The following LRRTM3 variants were observed in gnomAD, a reference collection of about 807,000 sequenced individuals.
The protein encoded by LRRTM3 is leucine rich repeat transmembrane neuronal 3.
Under a neutral mutation model 44.7 loss-of-function variants are expected in LRRTM3, and 24 were observed. That is an observed-to-expected ratio of 0.54 (90% CI 0.39 to 0.76). LRRTM3 has a LOEUF of 0.76. Among genes scored for constraint, LRRTM3 ranks in the 30% least tolerant of loss-of-function variants. The pLI, the probability that LRRTM3 is intolerant of heterozygous loss-of-function variation, is 0.00. For missense variants in LRRTM3, 587 were observed against 702.2 expected (o/e 0.84, Z 1.85); for synonymous variants, 277 against 278.7 (o/e 0.99, Z 0.06).
At chr10:67,003,821 C>A (rs1338420315) in intron 2 of LRRTM3, among the ~76,000 whole-genome samples, 1 of 152,102 alleles carries the variant, frequency 6.6e-6, no homozygotes, top group Non-Finnish European at 1.5e-5. Context: ...CATGTGTTGT[C>A]TCTAGCAGAG....
intron 2 of LRRTM3, among the ~76,000 whole-genome samples, chr10:67,025,612 G>A (rs1383482072): frequency 1.3e-5 from 2 of 152,050 alleles, no homozygotes; most frequent in African/African-American, 4.8e-5. Context: ...AACCCCTGGA[G>A]GAAGAATATT....
At chr10:66,933,143 T>C (rs1270194438) in intron 2 of LRRTM3, among the ~76,000 whole-genome samples, 1 of 152,240 alleles carries the variant, frequency 6.6e-6, no homozygotes, top group African/African-American at 2.4e-5. Flanking sequence ...TGTTGTTCTA[T>C]GTTTGGCATG....
intron 2 of LRRTM3, among the ~76,000 whole-genome samples, chr10:67,041,388 A>G (rs1854386679): frequency 6.6e-6 from 1 of 152,154 alleles, no homozygotes. Context: ...GAATGCCAAA[A>G]GTGATCTAAA....
chr10:67,079,440 C>T (rs1281169691), intron 2 of LRRTM3, among the ~76,000 whole-genome samples: 2 of 152,118 alleles, frequency 1.3e-5, no homozygotes, highest in Admixed American at 1.3e-4. Flanking sequence ...GTTTAGAAAA[C>T]CCCAATAAAG....
chr10:67,063,569 C>T (rs963331762), intron 2 of LRRTM3, among the ~76,000 whole-genome samples: 7 of 152,134 alleles, frequency 4.6e-5, no homozygotes, highest in African/African-American at 1.7e-4. Context: ...GAAGTGGCTC[C>T]AATGAAAGGT....
At chr10:66,961,143 A>G (rs1029822029) in intron 2 of LRRTM3, among the ~76,000 whole-genome samples, 11 of 152,220 alleles carry the variant, frequency 7.2e-5, no homozygotes, top group African/African-American at 2.7e-4. Context: ...ATCATTTCAA[A>G]AAAAGTTACG....
At chr10:67,091,399 T>C (rs551924555) in intron 2 of LRRTM3, among the ~76,000 whole-genome samples, 43 of 151,934 alleles carry the variant, frequency 2.8e-4, no homozygotes, top group African/African-American at 9.9e-4. Context: ...GTAAATAATA[T>C]ATTTAAGGAT....
chr10:67,080,107 C>T (rs1371421401), intron 2 of LRRTM3, among the ~76,000 whole-genome samples: 1 of 152,120 alleles, frequency 6.6e-6, no homozygotes, highest in African/African-American at 2.4e-5. Flanking sequence ...GCAAGAAGAA[C>T]CAGAAGGGGT....
At chr10:66,945,807 C>T (rs1049869461) in intron 2 of LRRTM3, among the ~76,000 whole-genome samples, 7 of 152,178 alleles carry the variant, frequency 4.6e-5, no homozygotes, top group African/African-American at 1.7e-4. Flanking sequence ...GAAATTTCAA[C>T]TTTGATGTGT....
At chr10:66,929,623 A>G (rs1847258635) in intron 2 of LRRTM3, among the ~76,000 whole-genome samples, 1 of 152,208 alleles carries the variant, frequency 6.6e-6, no homozygotes, top group Admixed American at 6.5e-5. Context: ...CTTAGAGGAA[A>G]AAAGACCAAC....
At chr10:66,942,589 T>C (rs1848060252) in intron 2 of LRRTM3, among the ~76,000 whole-genome samples, 1 of 151,298 alleles carries the variant, frequency 6.6e-6, no homozygotes, top group Non-Finnish European at 1.5e-5. Context: ...TGTGTGTGTA[T>C]GTGTGTGTGT....
intron 2 of LRRTM3, among the ~76,000 whole-genome samples, chr10:67,020,136 T>C (rs1284685030): frequency 1.3e-5 from 2 of 152,138 alleles, no homozygotes; most frequent in Non-Finnish European, 2.9e-5. Context: ...AATCAATGAA[T>C]GGACAGAATT....
chr10:66,964,203 T>G (rs1029169076), intron 2 of LRRTM3, among the ~76,000 whole-genome samples: 2 of 152,218 alleles, frequency 1.3e-5, no homozygotes, highest in East Asian at 3.9e-4. Context: ...GTCACACTGC[T>G]TTGGGATTCA....
At chr10:66,946,253 G>T (rs1335543545) in intron 2 of LRRTM3, among the ~76,000 whole-genome samples, 1 of 152,128 alleles carries the variant, frequency 6.6e-6, no homozygotes, top group African/African-American at 2.4e-5. Context: ...GGAATCCAAT[G>T]ATAATTATCT....
intron 2 of LRRTM3, among the ~76,000 whole-genome samples, chr10:67,073,583 A>G: frequency 6.6e-6 from 1 of 152,180 alleles, no homozygotes; most frequent in East Asian, 1.9e-4. Context: ...AAAATGAGAG[A>G]GTCATATTAA....
chr10:67,002,505 G>T (rs1851746122), intron 2 of LRRTM3, among the ~76,000 whole-genome samples: 2 of 152,026 alleles, frequency 1.3e-5, no homozygotes, highest in African/African-American at 2.4e-5. Context: ...GGTATTTATG[G>T]TTGAGGAGCA....
At chr10:66,987,083 G>A (rs549146971) in intron 2 of LRRTM3, among the ~76,000 whole-genome samples, 6 of 152,176 alleles carry the variant, frequency 3.9e-5, no homozygotes, top group Non-Finnish European at 7.3e-5. Flanking sequence ...AAGTCCCGAC[G>A]TGAAGTCCTT....
chr10:66,965,563 C>T (rs1325979639), intron 2 of LRRTM3, among the ~76,000 whole-genome samples: 4 of 30,598 alleles, frequency 1.3e-4, no homozygotes, highest in African/African-American at 2.5e-4. Flanking sequence ...AAAAAAAAAG[C>T]TGTTTTTTTT....
At chr10:67,031,902 G>A (rs1853751694) in intron 2 of LRRTM3, among the ~76,000 whole-genome samples, 1 of 152,080 alleles carries the variant, frequency 6.6e-6, no homozygotes, top group South Asian at 2.1e-4. Flanking sequence ...TGCAATAATG[G>A]CATTCTAATT....
Sources: allele counts gnomAD v4.1 joint callset (sites outside exome capture counted in the v4.1 genomes callset), GRCh38; gene constraint gnomAD v4.1.1; transcripts MANE v1.5; gene names NCBI Gene and HGNC (gene_info 2026-07-23, HGNC 2026-07-21).